The following VPS13C variants were observed in gnomAD, a reference collection of about 807,000 sequenced individuals.
VPS13C encodes the protein vacuolar protein sorting 13 homolog C, also known as intermembrane lipid transfer protein VPS13C.
In VPS13C, 358 loss-of-function variants were observed where a neutral mutation model predicts 456.8. The observed-to-expected ratio is 0.78, with a 90% confidence interval of 0.72 to 0.86. The LOEUF (loss-of-function observed/expected upper bound fraction) is 0.86, where lower values mean the gene tolerates loss of function less well. VPS13C is among the 40% of genes least tolerant of loss of function. The probability of loss-of-function intolerance (pLI) is 0.00; values close to 1 mark genes in which losing one functional copy is unlikely to be tolerated. For missense variants in VPS13C, 4,818 were observed against 4,385.4 expected, an observed-to-expected ratio of 1.10 and a Z score of -2.79; for synonymous variants, 1,578 against 1,486.7, an observed-to-expected ratio of 1.06 and a Z score of -1.41.
intron 55 of VPS13C, among the ~76,000 whole-genome samples, chr15:61,921,736 A>G (rs2140183664): frequency 6.6e-6 from 1 of 152,212 alleles, no homozygotes; most frequent in African/African-American, 2.4e-5. Context: ...CTGTTGCAGT[A>G]TCACCTTCAT....
chr15:62,030,497 C>A (rs1025792742), intron 5 of VPS13C, among the ~76,000 whole-genome samples: 11 of 152,064 alleles, frequency 7.2e-5, no homozygotes, highest in Admixed American at 7.2e-4. Context: ...CCTATACAGC[C>A]TACAGAACTG....
rs73414635 is a variant in VPS13C at position 61,995,912 on chromosome 15, T to C, written c.1354-4110A>G. ...GTTATACAGACATAGAAAACTACTATACATGGCTCTGCCCTGAGCAAGGGC... is the reference window on the plus strand; with the variant it reads ...GTTATACAGACATAGAAAACTACTACACATGGCTCTGCCCTGAGCAAGGGC... On this transcript the variant is annotated intron_variant, in intron 16 of 84. Coordinates refer to ENST00000644861, the MANE Select transcript of VPS13C (RefSeq NM_020821.3). 3.2e-3 allele frequency among the ~76,000 whole-genome samples: 480 copies of C among 152,308 alleles called. 2 individuals are homozygous for C. Among genetic ancestry groups the C allele is most frequent in the African/African-American group, 0.011 (459 of 41,566 alleles).
At chr15:61,906,903 A>G (rs1036369274) in intron 66 of VPS13C, 3 of 224,866 alleles carry the variant, frequency 1.3e-5, no homozygotes, top group African/African-American at 6.9e-5. Flanking sequence ...TGTGCTTAGG[A>G]AAACAAGCTT....
At chr15:62,028,266 G>T in intron 6 of VPS13C, 92 bp downstream of exon 6, 1 of 1,350,282 alleles carries the variant, frequency 7.4e-7, no homozygotes, top group Admixed American at 1.8e-5. Context: ...TTTCTAAAAG[G>T]ATGGCATGCC....
chr15:62,013,292 C>T (rs2047112320), intron 10 of VPS13C, among the ~76,000 whole-genome samples, 173 bp from the exon 11 acceptor site: 1 of 151,838 alleles, frequency 6.6e-6, no homozygotes, highest in Admixed American at 6.6e-5. Context: ...GTTATTCAGA[C>T]TTTATTAAGT....
At chr15:61,875,183 T>C (rs1301536993) in intron 76 of VPS13C, among the ~76,000 whole-genome samples, 5 of 152,064 alleles carry the variant, frequency 3.3e-5, no homozygotes, top group Non-Finnish European at 7.4e-5. Context: ...TGGATAGGTA[T>C]AAATCACTGG....
In VPS13C at chr15:62,008,674, G is replaced by C. The variant is rs758856957; in HGVS notation, c.1099C>G (p.His367Asp). The C allele has an allele frequency of 3.7e-6, 6 of 1,605,082 alleles. No homozygotes were observed. The highest frequency in any genetic ancestry group is 1.1e-5 in the South Asian group (1 of 89,292). The change falls in exon 14 of 85, where the codon CAT becomes GAT. Residue 367 changes from histidine to aspartate, a missense_variant. This residue lies in a region of VPS13C where 4,552 missense variants were observed against 4,130.6 expected (regional missense o/e 1.10). Transcript: ENST00000644861. The stretch of plus-strand genomic sequence containing the variant: ...ACTTACCATCGTCGACCATTGGTAT[G>C]AAGTGGTAAATAAGGCTTGTATTTC... ...YRKYKPYLPL[H>D]TNGRRWWKYA...
At chr15:61,857,234 G>A (rs1232426948) in intron 82 of VPS13C, among the ~76,000 whole-genome samples, 5 of 152,108 alleles carry the variant, frequency 3.3e-5, no homozygotes, top group African/African-American at 1.2e-4. Context: ...AAACAAACAT[G>A]TAAATAAACG....
chr15:61,866,140 G>T (rs1810455675), intron 81 of VPS13C: 2 of 984,708 alleles, frequency 2.0e-6, no homozygotes, highest in Admixed American at 1.2e-4. Context: ...AGCAAGATGG[G>T]CAAAGAATGA....
chr15:62,044,805 C>T (rs1014129487), intron 1 of VPS13C, among the ~76,000 whole-genome samples: 7 of 152,088 alleles, frequency 4.6e-5, no homozygotes, highest in Admixed American at 3.9e-4. Flanking sequence ...AATACTATTA[C>T]ATGACTCAAA....
intron 20 of VPS13C, 34 bp downstream of exon 20, chr15:61,983,786 T>C: frequency 6.3e-7 from 1 of 1,597,536 alleles, no homozygotes; most frequent in Non-Finnish European, 8.5e-7. Flanking sequence ...CATAAGATGA[T>C]TTAAATAAAG....
intron 42 of VPS13C, 46 bp downstream of exon 42, chr15:61,949,397 T>A: frequency 1.3e-6 from 2 of 1,584,262 alleles, no homozygotes; most frequent in Non-Finnish European, 1.7e-6. Flanking sequence ...GTTATATGAT[T>A]ATTAAAGTTC....
chr15:62,004,499 A>G (rs4410023), intron 15 of VPS13C, among the ~76,000 whole-genome samples: 79,995 of 142,224 alleles, frequency 0.56, 22,768 homozygotes, highest in Admixed American at 0.63. Context: ...TTTTTGAAGG[A>G]TTTTTTGTGT....
At chr15:61,898,283 T>C (rs1160619016) in intron 66 of VPS13C, among the ~76,000 whole-genome samples, 15 of 151,726 alleles carry the variant, frequency 9.9e-5, no homozygotes, top group East Asian at 1.9e-4. Context: ...GGACTAAATG[T>C]TCCAATTAAA....
chr15:61,928,461 G>T (rs968029848), intron 51 of VPS13C, among the ~76,000 whole-genome samples: 8 of 152,020 alleles, frequency 5.3e-5, no homozygotes, highest in African/African-American at 1.9e-4. Context: ...TATCAGATAT[G>T]ATCACTATTT....
At chr15:61,872,083 A>G in intron 78 of VPS13C, 49 bp from the exon 79 acceptor site, 1 of 1,540,242 alleles carries the variant, frequency 6.5e-7, no homozygotes, top group Non-Finnish European at 8.9e-7. Context: ...AAGGTGTTTA[A>G]TTTTAAACCA....
chr15:61,930,985 AG>A (rs2044034217), intron 50 of VPS13C, 104 bp downstream of exon 50: 1 of 1,345,874 alleles, frequency 7.4e-7, no homozygotes. Context: ...TATGACCAAA[AG>A]ACAGAGATCT....
chr15:61,970,197 T>A (rs749167470), intron 27 of VPS13C, among the ~76,000 whole-genome samples: 1 of 152,064 alleles, frequency 6.6e-6, no homozygotes, highest in Non-Finnish European at 1.5e-5. Flanking sequence ...TCCCAGCCAA[T>A]AGCCAGTATC....
In VPS13C at chr15:61,917,518, C is replaced by T; in HGVS notation, c.7878G>A (p.Gln2626=). ...HRSREVRCML[Q]CPSVEVSFLP... is the part of the protein sequence containing the mutation. ...AGAAGCTGACTTCTACTGATGGACA[C>T]TGCAACATGCATCTGACTTCCCTGC... The change falls in exon 60 of 85, where the codon CAG becomes CAA. Residue 2626 remains glutamine, a synonymous_variant. Transcript: ENST00000644861. The T allele has an allele frequency of 6.2e-7, 1 of 1,614,038 alleles. No individual in the cohort carries two copies. Among genetic ancestry groups the T allele is most frequent in the East Asian group, 2.2e-5 (1 of 44,868 alleles).
Sources: allele counts gnomAD v4.1 joint callset (sites outside exome capture counted in the v4.1 genomes callset), GRCh38; gene constraint gnomAD v4.1.1; regional missense constraint gnomAD v4.1.1; transcripts MANE v1.5; gene names NCBI Gene and HGNC (gene_info 2026-07-23, HGNC 2026-07-21).